Variants in UGT2A3 observed in about 807,000 individuals in gnomAD.
The protein encoded by UGT2A3 is UDP-glucuronosyltransferase 2A3.
A neutral mutation model predicts 44.1 loss-of-function variants in UGT2A3; 55 were observed. The ratio of observed to expected loss-of-function variants is 1.25; its 90% CI spans 1.00 to 1.56. The LOEUF (loss-of-function observed/expected upper bound fraction) is 1.56. UGT2A3 is among the 40% of genes most tolerant of loss of function. The pLI, the probability that UGT2A3 is intolerant of heterozygous loss-of-function variation, is 0.00. For synonymous variants in UGT2A3, 243 were observed against 215.1 expected (o/e 1.13, Z -1.13); for missense variants, 733 against 621.6 (o/e 1.18, Z -1.91).
chr4:68,950,969 G>T (rs930747477), intron 1 of UGT2A3, 77 bp downstream of exon 1: 2 of 1,047,926 alleles, frequency 1.9e-6, no homozygotes, highest in Non-Finnish European at 2.7e-6. Flanking sequence ...GCATATATAT[G>T]TCATAGACAA....
Position 68,951,330 on chromosome 4 carries a change from T to C in UGT2A3, c.431A>G (p.Asp144Gly), listed in dbSNP as rs1349463268. The change falls in exon 1 of 6, where the codon GAT becomes GGT. Residue 144 changes from aspartate to glycine, a missense_variant. Physicochemically the swap from Asp to Gly is moderately conservative, Grantham distance 94. Transcript: ENST00000251566. Reference sequence around the variant, plus strand: ...AATCACAGGGTCTATAAGCATTACATCGTAGTTGGTTTCCTGTAGCTTCTT... The same window carrying C: ...AATCACAGGGTCTATAAGCATTACACCGTAGTTGGTTTCCTGTAGCTTCTT... ...LMKKLQETNY[D>G]VMLIDPVIPC... 8.7e-6 allele frequency: 14 copies of C among 1,612,558 alleles called. No individual in the cohort carries two copies. Among genetic ancestry groups the C allele is most frequent in the Non-Finnish European group, 1.2e-5 (14 of 1,179,242 alleles).
intron 2 of UGT2A3, among the ~76,000 whole-genome samples, chr4:68,939,191 A>G (rs1718085998): frequency 6.6e-6 from 1 of 152,194 alleles, no homozygotes; most frequent in African/African-American, 2.4e-5. Flanking sequence ...AGAATTGGAA[A>G]AAACTACTTT....
chr4:68,944,336 C>A (rs892972306), intron 2 of UGT2A3, among the ~76,000 whole-genome samples: 1 of 151,722 alleles, frequency 6.6e-6, no homozygotes, highest in Admixed American at 6.6e-5. Flanking sequence ...TAAAAAGTAT[C>A]CCGTAAGAGG....
At chr4:68,938,813 G>A (rs11249514) in intron 2 of UGT2A3, among the ~76,000 whole-genome samples, 146,959 of 152,238 alleles carry the variant, frequency 0.97, 71,145 homozygotes, top group East Asian at 1. Context: ...CCTTCATCTC[G>A]GCCCAAAATC....
At chr4:68,947,169 T>C (rs1028937946) in intron 1 of UGT2A3, among the ~76,000 whole-genome samples, 3 of 151,756 alleles carry the variant, frequency 2.0e-5, no homozygotes, top group Non-Finnish European at 2.9e-5. Context: ...TAGAATTTCT[T>C]TCAAAATTTG....
chr4:68,950,025 AG>A (rs202054358), intron 1 of UGT2A3, among the ~76,000 whole-genome samples: 9 of 151,910 alleles, frequency 5.9e-5, no homozygotes, highest in Admixed American at 3.3e-4. Flanking sequence ...CAATCTTGTC[AG>A]GGGGCTTTTA....
Position 68,945,389 on chromosome 4 carries a change from C to G in UGT2A3, c.781G>C (p.Asp261His), listed in dbSNP as rs200068095. 27 of 1,611,284 alleles carry G rather than the reference C, an allele frequency of 1.7e-5. No homozygotes were observed. The highest frequency in any genetic ancestry group is 2.0e-5 in the Non-Finnish European group (24 of 1,178,468). The change falls in exon 2 of 6, where the codon GAT becomes CAT. Residue 261 changes from aspartate (D) to histidine (H), a missense_variant. Physicochemically the swap from Asp to His is moderately conservative, Grantham distance 81 (BLOSUM62 -1). Coordinates refer to ENST00000251566, the MANE Select transcript of UGT2A3 (RefSeq NM_024743.4). Reference sequence around the variant, plus strand: ...TGGTATGGTTGAGGAAATTCAAAATCCCAATATGTTCGTATTAGCCATATC... The same window carrying G: ...TGGTATGGTTGAGGAAATTCAAAATGCCAATATGTTCGTATTAGCCATATC... Reference protein sequence around the residue: ...AEIWLIRTYWDFEFPQPYQPN... With the variant: ...AEIWLIRTYWHFEFPQPYQPN...
chr4:68,937,208 A>G (rs1717986241), intron 2 of UGT2A3, among the ~76,000 whole-genome samples: 1 of 152,170 alleles, frequency 6.6e-6, no homozygotes. Context: ...CTCTGCTCCA[A>G]GCAGACCTAG....
intron 2 of UGT2A3, among the ~76,000 whole-genome samples, chr4:68,935,002 T>C (rs912753516): frequency 4.6e-5 from 7 of 151,376 alleles, no homozygotes; most frequent in African/African-American, 1.5e-4. Context: ...AGTGGACACA[T>C]AAAATAGGAC....
At chr4:68,932,849 G>T (rs1478500750) in intron 2 of UGT2A3, 90 bp from the exon 3 acceptor site, 2 of 1,296,336 alleles carry the variant, frequency 1.5e-6, no homozygotes, top group Non-Finnish European at 2.1e-6. Context: ...AAATACTTGA[G>T]AAATTATTAA....
At chr4:68,943,289 A>T in intron 2 of UGT2A3, 1 of 1,261,606 alleles carries the variant, frequency 7.9e-7, no homozygotes, top group South Asian at 1.3e-5. Context: ...TACCTAGAGA[A>T]TGATGGAAAT....
Position 68,929,862 on chromosome 4 carries a change from A to C in UGT2A3, c.1535T>G (p.Phe512Cys), listed in dbSNP as rs1264915685. ...AGTTTTATTAAATTTTTGACAGGAA[A>C]ATAAAAAACATTTTGTGAACAAGAA... ...AIFLFTKCFL[F>C]SCQKFNKTRK... Residue 512 changes from phenylalanine to cysteine, a missense_variant, in exon 6 of 6, where the codon TTT (phenylalanine) becomes TGT (cysteine). Phe to Cys is a radical substitution (Grantham distance 205, BLOSUM62 -2). Coordinates refer to ENST00000251566, the MANE Select transcript of UGT2A3 (RefSeq NM_024743.4). 2 of 1,607,990 alleles carry C rather than the reference A, an allele frequency of 1.2e-6. No homozygotes were observed. The highest frequency in any genetic ancestry group is 8.5e-7 in the Non-Finnish European group (1 of 1,177,470).
chr4:68,946,658 CA>C (rs1718393712), intron 1 of UGT2A3, among the ~76,000 whole-genome samples: 1 of 151,524 alleles, frequency 6.6e-6, no homozygotes. Flanking sequence ...TACACAGTAA[CA>C]AGGATAAAGA....
At chr4:68,946,717 AT>A (rs1323641822) in intron 1 of UGT2A3, among the ~76,000 whole-genome samples, 2 of 151,676 alleles carry the variant, frequency 1.3e-5, no homozygotes, top group Non-Finnish European at 3.0e-5. Flanking sequence ...TAATAAAATA[AT>A]TTCACATCTT....
Position 68,929,701 on chromosome 4 carries a change from T to C in UGT2A3, c.*112A>G. The C allele has an allele frequency of 9.8e-7, 1 of 1,021,480 alleles. No homozygotes were observed. 63.3% of individuals were successfully genotyped at this position (1,021,480 alleles called of 1,614,324 possible). A position where few individuals can be genotyped will look rare whatever the true frequency, so the allele number is the denominator to read the frequency against. ...ATCGTGGAATTCTAGGCTATATAGC[T>C]AAGATAAAATAACAGAATAGATAAT... On this transcript the variant is annotated 3_prime_UTR_variant, in exon 6 of 6. Coordinates refer to ENST00000251566, the MANE Select transcript of UGT2A3 (RefSeq NM_024743.4).
Position 68,930,691 on chromosome 4 carries a change from G to A in UGT2A3, c.1159C>T (p.Pro387Ser), listed in dbSNP as rs553887305. Reference sequence around the variant, plus strand: ...CCAAATATGGGAACTCCCACCATAGGGACCCCATGGTAAATAGCTTCATAG... The same window carrying A: ...CCAAATATGGGAACTCCCACCATAGAGACCCCATGGTAAATAGCTTCATAG... The part of the protein sequence containing the change: ...GIYEAIYHGV[P>S]MVGVPIFGDQ... Residue 387 changes from proline (P) to serine (S), a missense_variant, in exon 5 of 6, where the codon CCT (proline) becomes TCT (serine). Physicochemically the swap from Pro to Ser is moderately conservative, Grantham distance 74. Coordinates refer to ENST00000251566, the MANE Select transcript of UGT2A3 (RefSeq NM_024743.4). 81 of 1,613,044 alleles carry A rather than the reference G, an allele frequency of 5.0e-5. 2 individuals carry two copies. In the South Asian group the frequency reaches 8.7e-4, roughly 17 times the overall value.
chr4:68,929,459 C>G lies in UGT2A3; in HGVS notation c.*354G>C, dbSNP rs946748733. On this transcript the variant is annotated 3_prime_UTR_variant, in exon 6 of 6. Coordinates refer to ENST00000251566, the MANE Select transcript of UGT2A3 (RefSeq NM_024743.4). The stretch of plus-strand genomic sequence containing the variant: ...ATTTTGTGAATTTTAAGTTTTTTAC[C>G]TCTTTATATCCATGTGTTTGGGCGC... The G allele has an allele frequency of 6.0e-6, 1 of 165,504 alleles. No homozygotes were observed. The highest frequency in any genetic ancestry group is 2.4e-5 in the African/African-American group (1 of 42,020). The allele number at this position is 165,504 out of a possible 1,614,324, so 10.3% of individuals were successfully genotyped here. A position where few individuals can be genotyped will look rare whatever the true frequency, so the allele number is the denominator to read the frequency against.
At chr4:68,936,881 T>C (rs961397093) in intron 2 of UGT2A3, among the ~76,000 whole-genome samples, 3 of 40,414 alleles carry the variant, frequency 7.4e-5, no homozygotes, top group Non-Finnish European at 1.5e-4. Context: ...ACAAAGTAAA[T>C]GGAAAGCAAA....
intron 1 of UGT2A3, among the ~76,000 whole-genome samples, chr4:68,949,696 C>T (rs754104977): frequency 1.3e-5 from 2 of 151,868 alleles, no homozygotes; most frequent in Non-Finnish European, 2.9e-5. Context: ...AAATGAAATA[C>T]ACCTGTGCGT....
Sources: gnomAD v4.1 joint callset for allele counts (sites outside exome capture counted in the v4.1 genomes callset) on GRCh38, gnomAD v4.1.1 for gene constraint, MANE v1.5 for transcripts, NCBI Gene and HGNC (gene_info 2026-07-23, HGNC 2026-07-21) for gene names.